The following SEMA3A variants were observed in gnomAD, a reference collection of about 807,000 sequenced individuals.
SEMA3A encodes semaphorin-3A.
In SEMA3A, 29 loss-of-function variants were observed where a neutral mutation model predicts 97.9. That is an observed-to-expected ratio of 0.30 (90% CI 0.22 to 0.40). The LOEUF (loss-of-function observed/expected upper bound fraction) is 0.40. Among genes scored for constraint, SEMA3A ranks in the 10% least tolerant of loss-of-function variants. The pLI is 1.00. For missense variants in SEMA3A, 763 were observed against 951.3 expected, an observed-to-expected ratio of 0.80 and a Z score of 2.60; for synonymous variants, 321 against 323.7, an observed-to-expected ratio of 0.99 and a Z score of 0.09.
chr7:84,445,493 C>CAAAAAAAAAAAAAAAAAAAAAAAAA (rs61298477), intron 1 of SEMA3A, among the ~76,000 whole-genome samples: 15 of 27,586 alleles, frequency 5.4e-4, no homozygotes, highest in Non-Finnish European at 9.5e-4. Context: ...GACTCCATCT[C>CAAAAAAAAAAAAAAAAAAAAAAAAA]AAAAAAAAAA....
chr7:84,314,873 T>G (rs2115883041), intron 2 of SEMA3A, among the ~76,000 whole-genome samples: 1 of 152,252 alleles, frequency 6.6e-6, no homozygotes, highest in Admixed American at 6.5e-5. Context: ...TAAAAGCTGG[T>G]TTTCTTTAAA....
chr7:84,483,751 A>G (rs2116439015), intron 1 of SEMA3A, among the ~76,000 whole-genome samples: 1 of 143,718 alleles, frequency 7.0e-6, no homozygotes, highest in South Asian at 2.3e-4. Flanking sequence ...ATACTAATTA[A>G]AAAAAAATCT....
intron 3 of SEMA3A, among the ~76,000 whole-genome samples, chr7:84,305,522 A>G (rs1248559721): frequency 6.6e-6 from 1 of 152,024 alleles, no homozygotes; most frequent in East Asian, 1.9e-4. Context: ...TATATTGTCA[A>G]TTGCATTCAG....
chr7:84,366,457 T>G (rs759333860), intron 2 of SEMA3A, among the ~76,000 whole-genome samples: 2 of 151,268 alleles, frequency 1.3e-5, no homozygotes, highest in Non-Finnish European at 3.0e-5. Flanking sequence ...ATGATCAGTA[T>G]TCATTTACTA....
At chr7:84,360,928 C>T (rs891906743) in intron 2 of SEMA3A, among the ~76,000 whole-genome samples, 3 of 151,846 alleles carry the variant, frequency 2.0e-5, no homozygotes, top group African/African-American at 4.8e-5. Context: ...CAACACTCTA[C>T]AAATCTACTT....
At chr7:84,130,611 C>T (rs1020858256) in intron 2 of SEMA3A, among the ~76,000 whole-genome samples, 3 of 152,080 alleles carry the variant, frequency 2.0e-5, no homozygotes, top group African/African-American at 7.2e-5. Flanking sequence ...GTAAGTGTAT[C>T]ATTCTGATAA....
At chr7:84,153,953 A>G (rs1165071877) in intron 1 of SEMA3A, among the ~76,000 whole-genome samples, 1 of 152,090 alleles carries the variant, frequency 6.6e-6, no homozygotes, top group African/African-American at 2.4e-5. Context: ...TCCATAAAAC[A>G]CTAGTTCCTT....
intron 1 of SEMA3A, among the ~76,000 whole-genome samples, chr7:84,400,386 A>C (rs1302273832): frequency 6.6e-6 from 1 of 152,216 alleles, no homozygotes; most frequent in African/African-American, 2.4e-5. Flanking sequence ...AATGAATTTC[A>C]AGAAAACAGA....
At chr7:84,425,093 TATATAA>T (rs1804759929) in intron 1 of SEMA3A, among the ~76,000 whole-genome samples, 2 of 108,242 alleles carry the variant, frequency 1.8e-5, no homozygotes, top group African/African-American at 3.8e-5. Context: ...TTTATATTTT[TATATAA>T]ATATAAATAT....
intron 2 of SEMA3A, among the ~76,000 whole-genome samples, chr7:84,360,381 G>A (rs543316632): frequency 6.6e-6 from 1 of 151,674 alleles, no homozygotes; most frequent in African/African-American, 2.4e-5. Flanking sequence ...TCTTTATTTC[G>A]GCCTTCATTT....
chr7:83,989,146 A>T (rs915097348), intron 12 of SEMA3A, among the ~76,000 whole-genome samples: 1 of 152,178 alleles, frequency 6.6e-6, no homozygotes, highest in Non-Finnish European at 1.5e-5. Flanking sequence ...TTCATGACAT[A>T]AAGTTTACAA....
chr7:84,166,858 G>T (rs1797226395), intron 1 of SEMA3A, among the ~76,000 whole-genome samples: 1 of 125,384 alleles, frequency 8.0e-6, no homozygotes, highest in South Asian at 2.8e-4. Flanking sequence ...CTGGACGACA[G>T]AGTGAAACTC....
At chr7:84,230,992 T>G (rs1799104316) in intron 3 of SEMA3A, among the ~76,000 whole-genome samples, 1 of 151,944 alleles carries the variant, frequency 6.6e-6, no homozygotes, top group Non-Finnish European at 1.5e-5. Flanking sequence ...AAGGTCTGTA[T>G]GCACAATCAT....
intron 2 of SEMA3A, among the ~76,000 whole-genome samples, chr7:84,361,758 A>G (rs905359855): frequency 1.3e-5 from 2 of 152,014 alleles, no homozygotes; most frequent in Non-Finnish European, 2.9e-5. Flanking sequence ...AATACTAATG[A>G]CATAATTAAA....
chr7:84,168,852 T>C (rs1051763335), intron 1 of SEMA3A, among the ~76,000 whole-genome samples: 4 of 151,906 alleles, frequency 2.6e-5, no homozygotes, highest in Non-Finnish European at 4.4e-5. Context: ...ATCTTCAGTA[T>C]CTAAATTTAT....
intron 1 of SEMA3A, among the ~76,000 whole-genome samples, chr7:84,187,928 C>T (rs1267056479): frequency 1.3e-5 from 2 of 152,032 alleles, no homozygotes; most frequent in Non-Finnish European, 2.9e-5. Flanking sequence ...GTTTCACAGA[C>T]TAAATGAGTC....
At chr7:84,422,738 G>T (rs1318121289) in intron 1 of SEMA3A, among the ~76,000 whole-genome samples, 6 of 152,172 alleles carry the variant, frequency 3.9e-5, no homozygotes, top group African/African-American at 1.2e-4. Flanking sequence ...TGGTTTCAAA[G>T]AACTTATTTA....
intron 1 of SEMA3A, among the ~76,000 whole-genome samples, chr7:84,454,552 AT>A (rs1432859596): frequency 1.3e-5 from 2 of 152,170 alleles, no homozygotes; most frequent in Non-Finnish European, 2.9e-5. Context: ...CATGACAACA[AT>A]AGCATGAATG....
intron 3 of SEMA3A, among the ~76,000 whole-genome samples, chr7:84,228,949 C>T (rs749122149): frequency 6.6e-6 from 1 of 152,006 alleles, no homozygotes; most frequent in South Asian, 2.1e-4. Flanking sequence ...TTAAACTTGC[C>T]TCAAATTAAC....
Sources: gnomAD v4.1 joint callset for allele counts (sites outside exome capture counted in the v4.1 genomes callset) on GRCh38, gnomAD v4.1.1 for gene constraint, MANE v1.5 for transcripts, NCBI Gene and HGNC (gene_info 2026-07-23, HGNC 2026-07-21) for gene names.